TBC1D22A: variants seen among roughly 807,000 people sequenced by gnomAD.
TBC1D22A encodes putative GTPase activator.
In TBC1D22A, 38 loss-of-function variants were observed where a neutral mutation model predicts 60.2. The observed-to-expected ratio is 0.63, with a 90% CI of 0.49 to 0.83. The LOEUF (loss-of-function observed/expected upper bound fraction) is 0.83, where lower values mean the gene tolerates loss of function less well. Ranked by LOEUF, TBC1D22A falls within the 40% of genes least tolerant of loss-of-function variation. The pLI is 0.00. For missense variants in TBC1D22A, 628 were observed against 701.0 expected, an observed-to-expected ratio of 0.90 and a Z score of 1.18; for synonymous variants, 302 against 281.7, an observed-to-expected ratio of 1.07 and a Z score of -0.72.
At chr22:46,978,203 G>A (rs1353500388) in intron 9 of TBC1D22A, among the ~76,000 whole-genome samples, 1 of 152,226 alleles carries the variant, frequency 6.6e-6, no homozygotes, top group East Asian at 1.9e-4. Flanking sequence ...CCATTGACAT[G>A]CCCAGGCCTG....
intron 4 of TBC1D22A, among the ~76,000 whole-genome samples, chr22:46,857,836 A>G (rs550603870): frequency 1.3e-5 from 2 of 152,346 alleles, no homozygotes; most frequent in South Asian, 2.1e-4. Flanking sequence ...GCCAAATAAG[A>G]TTCCATTGAA....
chr22:47,149,975 C>T (rs1326779438), intron 12 of TBC1D22A, among the ~76,000 whole-genome samples: 1 of 152,066 alleles, frequency 6.6e-6, no homozygotes, highest in Non-Finnish European at 1.5e-5. Context: ...ATAGCAGAAA[C>T]CCCACAGCAC....
At chr22:46,925,006 T>G (rs2070970788) in intron 8 of TBC1D22A, among the ~76,000 whole-genome samples, 1 of 152,230 alleles carries the variant, frequency 6.6e-6, no homozygotes, top group South Asian at 2.1e-4. Flanking sequence ...TTTTGCTTAT[T>G]TCCATTATCG....
intron 4 of TBC1D22A, among the ~76,000 whole-genome samples, chr22:46,845,718 A>C (rs141507929): frequency 6.6e-6 from 1 of 152,382 alleles, no homozygotes; most frequent in East Asian, 1.9e-4. Context: ...TGTGTCCCAA[A>C]ATGAATAATG....
intron 5 of TBC1D22A, among the ~76,000 whole-genome samples, chr22:46,881,257 A>G (rs552567438): frequency 5.9e-5 from 9 of 152,248 alleles, no homozygotes; most frequent in Non-Finnish European, 1.0e-4. Context: ...TCATCCATTC[A>G]TTCATCCATT....
At chr22:47,059,979 G>T (rs140337549) in intron 11 of TBC1D22A, among the ~76,000 whole-genome samples, 163 of 152,282 alleles carry the variant, frequency 1.1e-3, no homozygotes, top group African/African-American at 3.9e-3. Context: ...TCGCACAGCC[G>T]CCCGATCTGC....
chr22:47,078,948 T>A (rs188409404), intron 11 of TBC1D22A, among the ~76,000 whole-genome samples: 1 of 152,308 alleles, frequency 6.6e-6, no homozygotes, highest in Non-Finnish European at 1.5e-5. Context: ...AGCTCTCAGC[T>A]ACAGTGTCCT....
At chr22:47,039,332 T>A (rs1465311811) in intron 11 of TBC1D22A, among the ~76,000 whole-genome samples, 1 of 152,156 alleles carries the variant, frequency 6.6e-6, no homozygotes, top group African/African-American at 2.4e-5. Context: ...CAGGGCCAAG[T>A]AACCATGAAA....
chr22:46,850,684 C>T (rs2087233060), intron 4 of TBC1D22A, among the ~76,000 whole-genome samples: 1 of 152,150 alleles, frequency 6.6e-6, no homozygotes, highest in Non-Finnish European at 1.5e-5. Flanking sequence ...AGCAGTTGGA[C>T]TCCTAGGTAT....
chr22:47,030,085 C>T (rs1282108046), intron 10 of TBC1D22A, among the ~76,000 whole-genome samples: 1 of 152,202 alleles, frequency 6.6e-6, no homozygotes, highest in Non-Finnish European at 1.5e-5. Flanking sequence ...CCTCTTGGTG[C>T]GGAGGGGCCC....
intron 4 of TBC1D22A, among the ~76,000 whole-genome samples, chr22:46,841,977 T>C (rs548347361): frequency 6.6e-6 from 1 of 152,380 alleles, no homozygotes; most frequent in South Asian, 2.1e-4. Flanking sequence ...TTTTTACTTT[T>C]TGGTTACATC....
At chr22:47,006,147 G>A (rs538122752) in intron 10 of TBC1D22A, among the ~76,000 whole-genome samples, 2 of 152,356 alleles carry the variant, frequency 1.3e-5, no homozygotes, top group African/African-American at 4.8e-5. Flanking sequence ...CTTGGGGAAT[G>A]TGTTGTTGCT....
At chr22:47,136,998 T>C (rs5766693) in intron 12 of TBC1D22A, among the ~76,000 whole-genome samples, 111,222 of 152,126 alleles carry the variant, frequency 0.73, 41,014 homozygotes, top group East Asian at 0.97. Flanking sequence ...GCAAACCTGG[T>C]CCCGGGCCCT....
intron 11 of TBC1D22A, among the ~76,000 whole-genome samples, chr22:47,052,329 C>T (rs1350441721): frequency 1.3e-5 from 2 of 152,218 alleles, no homozygotes; most frequent in African/African-American, 2.4e-5. Flanking sequence ...TGTGTGGCCT[C>T]CTGGTACCAG....
At chr22:47,000,846 AAAG>A (rs1166547349) in intron 10 of TBC1D22A, among the ~76,000 whole-genome samples, 2 of 152,140 alleles carry the variant, frequency 1.3e-5, no homozygotes, top group Non-Finnish European at 2.9e-5. Context: ...GAAAAAAAAA[AAAG>A]GAAAGAAAAA....
intron 4 of TBC1D22A, among the ~76,000 whole-genome samples, chr22:46,829,517 G>C (rs1241306188): frequency 6.6e-6 from 1 of 152,164 alleles, no homozygotes; most frequent in Admixed American, 6.5e-5. Context: ...TTACTAGCAC[G>C]GAGAGAATAC....
chr22:46,989,787 A>G (rs1018306726), intron 9 of TBC1D22A, among the ~76,000 whole-genome samples: 1 of 151,222 alleles, frequency 6.6e-6, no homozygotes, highest in Non-Finnish European at 1.5e-5. Context: ...ACACACACAC[A>G]ATAAATAAAT....
At chr22:46,966,803 T>C (rs898174571) in intron 8 of TBC1D22A, among the ~76,000 whole-genome samples, 1 of 152,254 alleles carries the variant, frequency 6.6e-6, no homozygotes, top group African/African-American at 2.4e-5. Context: ...ACAGACACTG[T>C]CCTGTTCCCA....
At chr22:47,057,715 C>G (rs1020582671) in intron 11 of TBC1D22A, among the ~76,000 whole-genome samples, 1 of 152,188 alleles carries the variant, frequency 6.6e-6, no homozygotes, top group Non-Finnish European at 1.5e-5. Flanking sequence ...ATGAGACTTA[C>G]TCACTATCGC....
Sources: gnomAD v4.1 joint callset for allele counts (sites outside exome capture counted in the v4.1 genomes callset) on GRCh38, gnomAD v4.1.1 for gene constraint, MANE v1.5 for transcripts, NCBI Gene and HGNC (gene_info 2026-07-23, HGNC 2026-07-21) for gene names.